Variants in MAGI3 observed in about 807,000 individuals in gnomAD.
MAGI3 encodes the protein membrane-associated guanylate kinase, WW and PDZ domain-containing protein 3.
MAGI3 carries 43 observed loss-of-function variants against 121.8 expected under a neutral mutation model. The ratio of observed to expected loss-of-function variants is 0.35; its 90% CI spans 0.28 to 0.46. The LOEUF (loss-of-function observed/expected upper bound fraction) is 0.46, where lower values mean the gene tolerates loss of function less well. Ranked by LOEUF, MAGI3 falls within the 20% of genes least tolerant of loss-of-function variation. MAGI3 has a pLI of 1.00. For synonymous variants in MAGI3, 553 were observed against 639.3 expected (o/e 0.86, Z 2.04); for missense variants, 1,547 against 1,797.3 (o/e 0.86, Z 2.52).
intron 1 of MAGI3, among the ~76,000 whole-genome samples, chr1:113,532,470 A>G (rs931205925): frequency 6.6e-6 from 1 of 152,034 alleles, no homozygotes; most frequent in Non-Finnish European, 1.5e-5. Flanking sequence ...ACAAAAGTGT[A>G]AAGACAGAGC....
At chr1:113,412,877 T>C (rs2101341336) in intron 1 of MAGI3, among the ~76,000 whole-genome samples, 2 of 152,324 alleles carry the variant, frequency 1.3e-5, no homozygotes, top group Middle Eastern at 6.8e-3. Context: ...AGCTCTTTAA[T>C]TTAATTAGAT....
At chr1:113,392,623 A>AT (rs1212362423) in intron 1 of MAGI3, among the ~76,000 whole-genome samples, 2 of 151,868 alleles carry the variant, frequency 1.3e-5, no homozygotes, top group African/African-American at 4.8e-5. Context: ...CATAATTAAG[A>AT]TTTTCTTTCT....
chr1:113,456,515 A>G (rs560247095), intron 1 of MAGI3, among the ~76,000 whole-genome samples: 3 of 152,214 alleles, frequency 2.0e-5, no homozygotes, highest in African/African-American at 7.2e-5. Flanking sequence ...ATGAATATGG[A>G]TGGGAAAAGT....
chr1:113,504,759 T>G (rs774420774), intron 1 of MAGI3, among the ~76,000 whole-genome samples: 1 of 152,158 alleles, frequency 6.6e-6, no homozygotes, highest in Non-Finnish European at 1.5e-5. Flanking sequence ...AGGATGTTTA[T>G]TTCAGCACTG....
At position 113,659,248 on chromosome 1, in the gene MAGI3, C is replaced by G; in HGVS notation, c.2798C>G (p.Thr933Arg). 3.1e-6 allele frequency: 5 copies of G among 1,613,644 alleles called. No homozygotes were observed. Among genetic ancestry groups the G allele is most frequent in the Non-Finnish European group, 3.4e-6 (4 of 1,179,868 alleles). Residue 933 changes from threonine (T) to arginine (R), a missense_variant, in exon 16 of 21, where the codon ACG (threonine) becomes AGG (arginine). Physicochemically the swap from Thr to Arg is moderately conservative, Grantham distance 71. Coordinates refer to ENST00000307546, the MANE Select transcript of MAGI3 (RefSeq NM_001142782.2). ...IKDAGVTVTL[T>R]VIAEEEHHGP... is the part of the protein sequence containing the mutation. ...GATGCTGGTGTCACCGTCACACTAA[C>G]GGTCATTGCTGAAGAAGGTAAGGAG...
At chr1:113,465,183 G>T (rs1012279847) in intron 1 of MAGI3, among the ~76,000 whole-genome samples, 2 of 152,134 alleles carry the variant, frequency 1.3e-5, no homozygotes, top group Admixed American at 6.6e-5. Flanking sequence ...TTTGTGTTTG[G>T]TGAGAGATAG....
intron 2 of MAGI3, among the ~76,000 whole-genome samples, chr1:113,550,069 T>A (rs370491483): frequency 1.8e-4 from 26 of 142,162 alleles, no homozygotes; most frequent in African/African-American, 6.7e-4. Flanking sequence ...TGAGCCGAGA[T>A]CATGCCACTG....
chr1:113,545,958 A>G (rs914460690), intron 1 of MAGI3, among the ~76,000 whole-genome samples: 3 of 152,204 alleles, frequency 2.0e-5, no homozygotes, highest in African/African-American at 7.2e-5. Flanking sequence ...ATGTTCATAT[A>G]CAAATTGATA....
intron 12 of MAGI3, among the ~76,000 whole-genome samples, chr1:113,648,007 C>G (rs1652946440): frequency 6.6e-6 from 1 of 151,568 alleles, no homozygotes; most frequent in African/African-American, 2.4e-5. Flanking sequence ...ACTGAAACCT[C>G]TGCCTCCTAG....
intron 9 of MAGI3, among the ~76,000 whole-genome samples, chr1:113,629,134 CT>C (rs1651435144): frequency 6.6e-6 from 1 of 151,966 alleles, no homozygotes; most frequent in South Asian, 2.1e-4. Flanking sequence ...TCTCCTCTGA[CT>C]GTGTATTTTC....
intron 16 of MAGI3, among the ~76,000 whole-genome samples, chr1:113,669,071 A>G (rs908372452): frequency 2.0e-5 from 3 of 152,122 alleles, no homozygotes; most frequent in African/African-American, 4.8e-5. Flanking sequence ...TCTCTTGACC[A>G]CATGCAAAGG....
At chr1:113,534,559 T>A (rs1437622245) in intron 1 of MAGI3, among the ~76,000 whole-genome samples, 1 of 152,180 alleles carries the variant, frequency 6.6e-6, no homozygotes, top group African/African-American at 2.4e-5. Context: ...TTATTTTCTC[T>A]TGGGTACATA....
At chr1:113,627,986 T>C (rs1651346455) in intron 9 of MAGI3, among the ~76,000 whole-genome samples, 1 of 152,072 alleles carries the variant, frequency 6.6e-6, no homozygotes, top group African/African-American at 2.4e-5. Flanking sequence ...CTTCTCTATG[T>C]CTTTTGATTG....
chr1:113,509,912 T>C (rs1168955569), intron 1 of MAGI3, among the ~76,000 whole-genome samples: 1 of 150,394 alleles, frequency 6.6e-6, no homozygotes, highest in African/African-American at 2.5e-5. Context: ...TCTGACAGAG[T>C]GCGCCTGCAG....
intron 16 of MAGI3, among the ~76,000 whole-genome samples, chr1:113,664,325 G>C (rs1653926508): frequency 6.6e-6 from 1 of 152,142 alleles, no homozygotes; most frequent in Admixed American, 6.5e-5. Flanking sequence ...CGTTTTCCAT[G>C]AGTATTTACC....
intron 1 of MAGI3, among the ~76,000 whole-genome samples, chr1:113,419,714 G>T (rs540572562): frequency 1.3e-5 from 2 of 152,168 alleles, no homozygotes; most frequent in African/African-American, 4.8e-5. Flanking sequence ...TTCCATTACT[G>T]CTGTAACAGA....
intron 20 of MAGI3, chr1:113,682,343 T>G (rs1240874924): frequency 7.7e-6 from 12 of 1,563,488 alleles, no homozygotes; most frequent in Non-Finnish European, 1.0e-5. Flanking sequence ...TTCTTTTGTT[T>G]TCTTTTAAAT....
At chr1:113,640,283 GA>G (rs34806322) in intron 9 of MAGI3, among the ~76,000 whole-genome samples, 32,962 of 152,128 alleles carry the variant, frequency 0.22, 4,456 homozygotes, top group South Asian at 0.39. Flanking sequence ...CTATTGGTGG[GA>G]GTATAAATTA....
At chr1:113,637,763 T>C (rs904993910) in intron 9 of MAGI3, among the ~76,000 whole-genome samples, 3 of 152,200 alleles carry the variant, frequency 2.0e-5, no homozygotes, top group African/African-American at 7.2e-5. Flanking sequence ...TTTCCTGAAT[T>C]TGAATGTTGG....
Sources: allele counts gnomAD v4.1 joint callset (sites outside exome capture counted in the v4.1 genomes callset), GRCh38; gene constraint gnomAD v4.1.1; transcripts MANE v1.5; gene names NCBI Gene and HGNC (gene_info 2026-07-23, HGNC 2026-07-21).